The following ATP8A2 variants were observed in gnomAD, a reference collection of about 807,000 sequenced individuals.
ATP8A2 encodes phospholipid-transporting ATPase IB.
In ATP8A2, 100 loss-of-function variants were observed where a neutral mutation model predicts 165.6. The observed-to-expected ratio is 0.60, with a 90% confidence interval of 0.51 to 0.71. ATP8A2 has a LOEUF of 0.71. Ranked by LOEUF, ATP8A2 falls within the 30% of genes least tolerant of loss-of-function variation. The pLI is 0.00. For synonymous variants in ATP8A2, 543 were observed against 548.8 expected (o/e 0.99, Z 0.15); for missense variants, 1,227 against 1,479.5 (o/e 0.83, Z 2.80).
intron 2 of ATP8A2, among the ~76,000 whole-genome samples, chr13:25,501,992 T>C (rs2036867719): frequency 6.6e-6 from 1 of 152,196 alleles, no homozygotes. Flanking sequence ...AACCCTTTAA[T>C]TACAGGCTGG....
chr13:25,724,697 A>G (rs1251209217), intron 25 of ATP8A2, among the ~76,000 whole-genome samples: 1 of 152,188 alleles, frequency 6.6e-6, no homozygotes, highest in Non-Finnish European at 1.5e-5. Flanking sequence ...CCTGGGAGTA[A>G]GGAAGAGAAA....
At chr13:25,737,248 C>G (rs766600385) in intron 25 of ATP8A2, among the ~76,000 whole-genome samples, 1 of 152,202 alleles carries the variant, frequency 6.6e-6, no homozygotes, top group African/African-American at 2.4e-5. Context: ...GTGAATAGCT[C>G]AAGCCTGTGC....
At chr13:25,689,708 A>T (rs190107611) in intron 24 of ATP8A2, among the ~76,000 whole-genome samples, 5 of 152,302 alleles carry the variant, frequency 3.3e-5, no homozygotes, top group African/African-American at 1.2e-4. Context: ...TCCCTCAAGT[A>T]CACAGTGACT....
intron 20 of ATP8A2, among the ~76,000 whole-genome samples, chr13:25,577,903 T>C (rs887261032): frequency 6.6e-6 from 1 of 152,220 alleles, no homozygotes; most frequent in Non-Finnish European, 1.5e-5. Context: ...GAGTACACGA[T>C]GAGTAGAGCT....
At chr13:25,506,937 G>GTATATATATATATATATATATATA (rs1555285034) in intron 2 of ATP8A2, among the ~76,000 whole-genome samples, 1 of 66,414 alleles carries the variant, frequency 1.5e-5, no homozygotes, top group Non-Finnish European at 3.3e-5. Flanking sequence ...ATACAGTACA[G>GTATATATATATATATATATATATA]TACATATATA....
intron 33 of ATP8A2, among the ~76,000 whole-genome samples, chr13:25,941,489 G>C (rs1353819227): frequency 6.6e-6 from 1 of 152,106 alleles, no homozygotes; most frequent in African/African-American, 2.4e-5. Context: ...TGGCTGCAAT[G>C]CTCTTCTTAC....
rs78454854 is a variant in ATP8A2, at chr13:25,373,000, C to A, written c.76+712C>A. Among the ~76,000 whole-genome samples the A allele has an allele frequency of 6.7e-3, 1,023 of 152,292 alleles. 12 individuals carry two copies. Among genetic ancestry groups the A allele is most frequent in the African/African-American group, 0.024 (985 of 41,562 alleles). Reference sequence around the variant, plus strand: ...CCAAACACGCATGTACCATACCCGACCACTCACACTGTTAGAGGCCCGCGT... The same window carrying A: ...CCAAACACGCATGTACCATACCCGAACACTCACACTGTTAGAGGCCCGCGT... On this transcript the variant is annotated intron_variant, in intron 1 of 36. Coordinates refer to ENST00000381655, the MANE Select transcript of ATP8A2 (RefSeq NM_016529.6). The surrounding 1 kb of genome is among the most constrained non-coding windows in gnomAD (Gnocchi z 4.8).
chr13:25,446,547 T>C (rs183933769), intron 1 of ATP8A2, among the ~76,000 whole-genome samples: 2 of 122,828 alleles, frequency 1.6e-5, no homozygotes, highest in Non-Finnish European at 3.9e-5. Context: ...CCGCAGTACA[T>C]TGAGTTTTTT....
chr13:25,848,471 G>A (rs1029225913), intron 30 of ATP8A2, among the ~76,000 whole-genome samples: 2 of 152,220 alleles, frequency 1.3e-5, no homozygotes, highest in East Asian at 1.9e-4. Flanking sequence ...TAAGAAACAC[G>A]TGTGGCCTCA....
chr13:25,506,681 A>C (rs919662163), intron 2 of ATP8A2, among the ~76,000 whole-genome samples: 2 of 152,164 alleles, frequency 1.3e-5, no homozygotes, highest in African/African-American at 4.8e-5. Flanking sequence ...TCTGAAGAGG[A>C]GCAGCATCTG....
chr13:25,504,456 T>C (rs1307335737), intron 2 of ATP8A2, among the ~76,000 whole-genome samples: 1 of 144,748 alleles, frequency 6.9e-6, no homozygotes, highest in African/African-American at 2.5e-5. Flanking sequence ...AAGTATACAG[T>C]GCGGCCGGGC....
rs1249901021 is a variant in ATP8A2 at position 26,012,641 on chromosome 13, G to A, written c.3469+19G>A. 6.9e-7 allele frequency: 1 copy of A among 1,451,608 alleles called. No homozygotes were observed. The highest frequency in any genetic ancestry group is 9.1e-7 in the Non-Finnish European group (1 of 1,101,132). 89.9% of individuals were successfully genotyped at this position (1,451,608 alleles called of 1,614,324 possible). ...GTCCCGCGTGAGTACCGCGGGCGGG[G>A]GCTGATGGAGGAGTGGGTGTCGGTG... On this transcript the variant is annotated intron_variant, in intron 36 of 36. Transcript: ENST00000381655.
intron 24 of ATP8A2, among the ~76,000 whole-genome samples, chr13:25,680,821 G>A (rs953902029): frequency 5.3e-5 from 8 of 152,188 alleles, no homozygotes; most frequent in African/African-American, 1.9e-4. Flanking sequence ...AGGCTTGTCA[G>A]TTCCTGGCAT....
intron 30 of ATP8A2, among the ~76,000 whole-genome samples, chr13:25,851,868 T>C (rs1266388371): frequency 9.9e-5 from 15 of 152,154 alleles, no homozygotes; most frequent in African/African-American, 3.1e-4. Context: ...TTTTTCTTTT[T>C]TAGAGACTAA....
intron 24 of ATP8A2, among the ~76,000 whole-genome samples, chr13:25,655,764 G>T (rs1406545177): frequency 6.6e-6 from 1 of 151,208 alleles, no homozygotes; most frequent in Non-Finnish European, 1.5e-5. Context: ...GAAAGTACAT[G>T]ATTAGATCTT....
chr13:25,898,183 G>A (rs1387061752), intron 33 of ATP8A2, among the ~76,000 whole-genome samples: 3 of 152,096 alleles, frequency 2.0e-5, no homozygotes, highest in Non-Finnish European at 4.4e-5. Context: ...TTTGATGATG[G>A]TGACCTACAG....
intron 1 of ATP8A2, among the ~76,000 whole-genome samples, chr13:25,455,738 C>T (rs888839033): frequency 1.3e-5 from 2 of 152,164 alleles, no homozygotes; most frequent in Admixed American, 1.3e-4. Context: ...TCAATTGCTG[C>T]CTCCTTGGCA....
intron 15 of ATP8A2, among the ~76,000 whole-genome samples, chr13:25,562,501 A>C (rs1384573458): frequency 3.3e-5 from 5 of 152,214 alleles, no homozygotes; most frequent in African/African-American, 1.2e-4. Flanking sequence ...ATGGTCAGCC[A>C]GGACCCACTA....
rs559679836 is a variant in ATP8A2, at chr13:25,487,893, T to C, written c.221+18772T>C. Among the ~76,000 whole-genome samples the C allele has an allele frequency of 2.0e-5, 3 of 152,130 alleles. No individual in the cohort carries two copies. The East Asian group carries it at 5.8e-4, about 29-fold the overall frequency. On this transcript the variant is annotated intron_variant, in intron 2 of 36. Transcript: ENST00000381655. ...TGAGTGGGAGGGTAATTAGCTATAG[T>C]ATAAGGAACAAAACATAACAAGTAC...
Sources: gnomAD v4.1 joint callset for allele counts (sites outside exome capture counted in the v4.1 genomes callset) on GRCh38, gnomAD v4.1.1 for gene constraint, Gnocchi (gnomAD v3.1) non-coding constraint, MANE v1.5 for transcripts, NCBI Gene and HGNC (gene_info 2026-07-23, HGNC 2026-07-21) for gene names.